Variants in PCGF2 observed in about 807,000 individuals in gnomAD.
PCGF2 encodes polycomb group RING finger protein 2.
A neutral mutation model predicts 36.1 loss-of-function variants in PCGF2; 8 were observed. The ratio of observed to expected loss-of-function variants is 0.22; its 90% confidence interval spans 0.13 to 0.40. PCGF2 has a LOEUF of 0.40. Ranked by LOEUF, PCGF2 falls within the 10% of genes least tolerant of loss-of-function variation. The pLI is 1.00. For missense variants in PCGF2, 436 were observed against 475.9 expected (o/e 0.92, Z 0.78); for synonymous variants, 198 against 191.2 (o/e 1.04, Z -0.29).
chr17:38,749,579 C>G (rs1907788225), upstream of PCGF2: 1 of 452,992 alleles, frequency 2.2e-6, no homozygotes, highest in Middle Eastern at 3.3e-4. The surrounding 1 kb of genome is among the most constrained non-coding windows in gnomAD (Gnocchi z 6.5). Flanking sequence ...CCAGAGAGCT[C>G]GATTATCCAT....
At chr17:38,746,864 C>A (rs1907564316) in intron 2 of PCGF2, among the ~76,000 whole-genome samples, 1 of 152,238 alleles carries the variant, frequency 6.6e-6, no homozygotes, top group Non-Finnish European at 1.5e-5. Context: ...AAAGCTGCAA[C>A]AGAGCTGGCT....
In PCGF2 at chr17:38,739,165, G is replaced by A. The variant is rs775215849; in HGVS notation, c.265+33C>T. The A allele has an allele frequency of 6.2e-7, 1 of 1,613,996 alleles. No individual in the cohort carries two copies. Among genetic ancestry groups the A allele is most frequent in the African/African-American group, 1.3e-5 (1 of 75,050 alleles). On this transcript the variant is annotated intron_variant, in intron 5 of 10. Transcript: ENST00000620225. This position sits in a 1 kb window ranked among gnomAD's most constrained non-coding sequence, Gnocchi z 4.0. ...AGGACAGGGCCATGGGTTGGGAAATGGGGTCAGTGGAGGAGGAATGGAGTG... is the reference window on the plus strand; with the variant it reads ...AGGACAGGGCCATGGGTTGGGAAATAGGGTCAGTGGAGGAGGAATGGAGTG...
chr17:38,739,266 G>T lies in PCGF2; in HGVS notation c.210-13C>A. 13 of 1,612,736 alleles carry T rather than the reference G, an allele frequency of 8.1e-6. No homozygotes were observed. The highest frequency in any genetic ancestry group is 1.3e-5 in the African/African-American group (1 of 74,988). Reference sequence around the variant, plus strand: ...TGTTTTGTCAGACCTGGGGAAAAATGGACAGGGCTTATCAGCAATGCCTTC... The same window carrying T: ...TGTTTTGTCAGACCTGGGGAAAAATTGACAGGGCTTATCAGCAATGCCTTC... On this transcript the variant is annotated splice_polypyrimidine_tract_variant and intron_variant, in intron 4 of 10. Coordinates refer to ENST00000620225, the MANE Select transcript of PCGF2 (RefSeq NM_007144.3). This position sits in a 1 kb window ranked among gnomAD's most constrained non-coding sequence, Gnocchi z 4.0.
In PCGF2 at chr17:38,739,624, G is replaced by C. The variant is rs781097488; in HGVS notation, c.171C>G (p.Asp57Glu). The C allele has an allele frequency of 6.2e-7, 1 of 1,614,036 alleles. No individual in the cohort carries two copies. The highest frequency in any genetic ancestry group is 2.2e-5 in the East Asian group (1 of 44,880). The part of the protein sequence containing the change: ...LETNKYCPMC[D>E]VQVHKTRPLL... ...GCGGCCGGGTTTTATGGACCTGCAC[G>C]TCACACATGGGGCAGTATTTGTTGG... Residue 57 changes from aspartate (D) to glutamate (E), a missense_variant, in exon 4 of 11, where the codon GAC becomes GAG. Physicochemically the swap from Asp to Glu is conservative, Grantham distance 45 (BLOSUM62 2). Transcript: ENST00000620225. The surrounding 1 kb of genome is among the most constrained non-coding windows in gnomAD (Gnocchi z 4.0).
At chr17:38,744,886 T>C (rs1374081687) in intron 2 of PCGF2, among the ~76,000 whole-genome samples, 1 of 152,202 alleles carries the variant, frequency 6.6e-6, no homozygotes, top group Non-Finnish European at 1.5e-5. Flanking sequence ...CACATCCAGA[T>C]GTCTAGAACT....
intron 2 of PCGF2, among the ~76,000 whole-genome samples, chr17:38,742,359 G>A (rs1317350575): frequency 6.6e-6 from 1 of 152,186 alleles, no homozygotes; most frequent in Non-Finnish European, 1.5e-5. Context: ...TCACAGCCGG[G>A]ATCAGCAGTT....
In PCGF2 at chr17:38,747,957, G is replaced by T. The variant is rs1192048593; in HGVS notation, c.-119C>A. On this transcript the variant is annotated 5_prime_UTR_variant, in exon 2 of 11. Coordinates refer to ENST00000620225, the MANE Select transcript of PCGF2 (RefSeq NM_007144.3). ...AGACGCCAAATCGTTAAGACGGGGA[G>T]CCCGTTTCGGCCATCTTGGAAGAGA... 3.9e-5 allele frequency: 6 copies of T among 153,018 alleles called. No individual in the cohort carries two copies. Among genetic ancestry groups the T allele is most frequent in the Admixed American group, 2.6e-4 (4 of 15,282 alleles). 9.5% of individuals were successfully genotyped at this position (153,018 alleles called of 1,614,324 possible).
intron 2 of PCGF2, among the ~76,000 whole-genome samples, chr17:38,742,024 C>G (rs1439560236): frequency 6.6e-6 from 1 of 152,218 alleles, no homozygotes; most frequent in Non-Finnish European, 1.5e-5. Flanking sequence ...CACAGGCTCT[C>G]ACAGATGCCT....
intron 9 of PCGF2, among the ~76,000 whole-genome samples, chr17:38,738,152 A>G (rs970873877): frequency 6.6e-6 from 1 of 152,104 alleles, no homozygotes; most frequent in Non-Finnish European, 1.5e-5. Context: ...TCTTGGTCCC[A>G]TGCACCACTG....
intron 3 of PCGF2, among the ~76,000 whole-genome samples, chr17:38,740,083 A>G (rs1907077220): frequency 6.6e-6 from 1 of 152,240 alleles, no homozygotes; most frequent in Non-Finnish European, 1.5e-5. Flanking sequence ...TTCAGATGTG[A>G]GTCCTTGAAA....
intron 9 of PCGF2, among the ~76,000 whole-genome samples, chr17:38,736,558 G>A (rs1567939170): frequency 6.6e-6 from 1 of 152,220 alleles, no homozygotes; most frequent in Non-Finnish European, 1.5e-5. Context: ...AATGTGGCCG[G>A]GTGCGGTGGC....
chr17:38,739,527 G>T lies in PCGF2; in HGVS notation c.209+59C>A. ...GCTGAAGGAAGCACGGAGCGTGGGAGGGATGGGGGAGGCTGACCCAGAGGA... is the reference window on the plus strand; with the variant it reads ...GCTGAAGGAAGCACGGAGCGTGGGATGGATGGGGGAGGCTGACCCAGAGGA... On this transcript the variant is annotated intron_variant, in intron 4 of 10. Transcript: ENST00000620225. The surrounding 1 kb of genome is among the most constrained non-coding windows in gnomAD (Gnocchi z 4.0). The T allele has an allele frequency of 7.6e-7, 1 of 1,313,498 alleles. No homozygotes were observed. The highest frequency in any genetic ancestry group is 1.1e-6 in the Non-Finnish European group (1 of 905,758). The allele number at this position is 1,313,498 out of a possible 1,614,324, so 81.4% of individuals were successfully genotyped here.
rs57011839 is a variant in PCGF2 at position 38,737,910 on chromosome 17, C to CAAA, written c.576+440_576+442dup. Among the ~76,000 whole-genome samples, 180 of 89,226 alleles carry CAAA rather than the reference C, an allele frequency of 2.0e-3. 2 individuals carry two copies. The highest frequency in any genetic ancestry group is 7.5e-3 in the African/African-American group (161 of 21,504). 58.5% of individuals were successfully genotyped at this position (89,226 alleles called of 152,430 possible). ...CTGGTGACAGAGCAAGACTCCATCTCAAAAAAAAAAAAAAAAAAGGAAATA... is the reference window on the plus strand; with the variant it reads ...CTGGTGACAGAGCAAGACTCCATCTCAAAAAAAAAAAAAAAAAAAAAGGAAATA... On this transcript the variant is annotated intron_variant, in intron 9 of 10. Transcript: ENST00000620225.
At position 38,735,231 on chromosome 17, in the gene PCGF2, AG is replaced by A; in HGVS notation, c.1026del (p.Leu343Ter). 2 of 1,425,140 alleles carry A rather than the reference AG, an allele frequency of 1.4e-6. No individual in the cohort carries two copies. Among genetic ancestry groups the A allele is most frequent in the Non-Finnish European group, 9.3e-7 (1 of 1,079,126 alleles). 88.3% of individuals were successfully genotyped at this position (1,425,140 alleles called of 1,614,324 possible). On this transcript the variant is annotated frameshift_variant, in exon 11 of 11. Transcript: ENST00000620225. LOFTEE classifies it high-confidence loss of function. ...GGAGAGGGTCCCTGGCCTCAAGTTA[AG>A]GGGGGCACGGGAGCGCCGTTGACAG... ...KMTVNGAPVP[P>X]LT
intron 2 of PCGF2, among the ~76,000 whole-genome samples, chr17:38,741,230 C>T (rs1907185028): frequency 6.6e-6 from 1 of 151,568 alleles, no homozygotes; most frequent in Admixed American, 6.6e-5. Context: ...GTGATTATGC[C>T]ACTGCACTCA....
rs755711835 is a variant in PCGF2, at chr17:38,740,424, G to A, written c.-22C>T. 14 of 904,576 alleles carry A rather than the reference G, an allele frequency of 1.5e-5. No individual in the cohort carries two copies. Among genetic ancestry groups the A allele is most frequent in the Middle Eastern group, 2.4e-4 (1 of 4,242 alleles). 56.0% of individuals were successfully genotyped at this position (904,576 alleles called of 1,614,324 possible). ...GCATGATTCCGGGGTCGGGGGTGGG[G>A]GGACTGGGGAGCGTTGCCCTGGGAA... On this transcript the variant is annotated 5_prime_UTR_variant, in exon 3 of 11. Transcript: ENST00000620225.
chr17:38,739,633 G>A lies in PCGF2; in HGVS notation c.162C>T (p.Pro54=). The part of the protein sequence containing the change: ...VRYLETNKYC[P]MCDVQVHKTR... ...TTTTATGGACCTGCACGTCACACATGGGGCAGTATTTGTTGGTCTCCAGGT... is the reference window on the plus strand; with the variant it reads ...TTTTATGGACCTGCACGTCACACATAGGGCAGTATTTGTTGGTCTCCAGGT... The change falls in exon 4 of 11, where the codon CCC becomes CCT. Residue 54 remains proline, a synonymous_variant. Transcript: ENST00000620225. This position sits in a 1 kb window ranked among gnomAD's most constrained non-coding sequence, Gnocchi z 4.0. 2 of 1,614,040 alleles carry A rather than the reference G, an allele frequency of 1.2e-6. No individual in the cohort carries two copies. Among genetic ancestry groups the A allele is most frequent in the Non-Finnish European group, 1.7e-6 (2 of 1,179,952 alleles).
Position 38,735,212 on chromosome 17 carries a change from G to A in PCGF2, c.*11C>T. The A allele has an allele frequency of 1.4e-6, 2 of 1,394,650 alleles. No individual in the cohort carries two copies. Among genetic ancestry groups the A allele is most frequent in the East Asian group, 5.3e-5 (2 of 37,772 alleles). 86.4% of individuals were successfully genotyped at this position (1,394,650 alleles called of 1,614,324 possible). A position where few individuals can be genotyped will look rare whatever the true frequency, so the allele number is the denominator to read the frequency against. ...GAGGCTTGGCTGGAAGAAGGGAGAG[G>A]GTCCCTGGCCTCAAGTTAAGGGGGG... On this transcript the variant is annotated 3_prime_UTR_variant, in exon 11 of 11. Coordinates refer to ENST00000620225, the MANE Select transcript of PCGF2 (RefSeq NM_007144.3).
upstream of PCGF2, chr17:38,749,338 C>T (rs543695059): frequency 7.8e-5 from 19 of 242,734 alleles, no homozygotes; most frequent in Middle Eastern, 2.0e-3. The surrounding 1 kb of genome is among the most constrained non-coding windows in gnomAD (Gnocchi z 6.5). Flanking sequence ...CTGGGCCCGA[C>T]TCCCACTGGC....
Sources: allele counts gnomAD v4.1 joint callset (sites outside exome capture counted in the v4.1 genomes callset), GRCh38; gene constraint gnomAD v4.1.1; non-coding constraint Gnocchi (gnomAD v3.1); transcripts MANE v1.5; gene names NCBI Gene and HGNC (gene_info 2026-07-23, HGNC 2026-07-21).